The following GPR158 variants were observed in gnomAD, a reference collection of about 807,000 sequenced individuals.
The protein encoded by GPR158 is metabotropic glycine receptor.
GPR158 carries 30 observed loss-of-function variants against 78.2 expected under a neutral mutation model. The ratio of observed to expected loss-of-function variants is 0.38; its 90% CI spans 0.29 to 0.52. GPR158 has a LOEUF of 0.52. Among genes scored for constraint, GPR158 ranks in the 20% least tolerant of loss-of-function variants. The pLI is 0.83. For missense variants in GPR158, 1,463 were observed against 1,523.5 expected (o/e 0.96, Z 0.66); for synonymous variants, 581 against 591.1 (o/e 0.98, Z 0.25).
At chr10:25,427,450 A>G (rs1834840455) in intron 4 of GPR158, among the ~76,000 whole-genome samples, 1 of 152,072 alleles carries the variant, frequency 6.6e-6, no homozygotes, top group Admixed American at 6.6e-5. Context: ...TGTTTTTTTC[A>G]GGAACTGGTC....
intron 2 of GPR158, among the ~76,000 whole-genome samples, chr10:25,367,768 C>T (rs1011888017): frequency 2.0e-5 from 3 of 151,730 alleles, no homozygotes; most frequent in Non-Finnish European, 4.4e-5. Context: ...ATTTTCATTT[C>T]TTCAGATGTC....
intron 2 of GPR158, among the ~76,000 whole-genome samples, chr10:25,345,830 C>T (rs972636376): frequency 1.1e-4 from 16 of 151,740 alleles, no homozygotes; most frequent in Admixed American, 5.3e-4. Context: ...CCAGAAAGCC[C>T]CCAGACGAGG....
At chr10:25,591,576 A>G (rs531926944) in intron 8 of GPR158, among the ~76,000 whole-genome samples, 4 of 152,114 alleles carry the variant, frequency 2.6e-5, no homozygotes, top group African/African-American at 7.2e-5. Flanking sequence ...TGCAAGATCA[A>G]TTTTCTTCCA....
intron 5 of GPR158, among the ~76,000 whole-genome samples, chr10:25,501,287 C>T (rs539785053): frequency 6.6e-6 from 1 of 152,314 alleles, no homozygotes; most frequent in South Asian, 2.1e-4. Flanking sequence ...CGTCCTTCTA[C>T]TCGCTCATCC....
rs551763191 is a variant in GPR158, at chr10:25,591,082, A to G, written c.1892+1937A>G. The stretch of plus-strand genomic sequence containing the variant: ...AAAGAAAAAAGTAAATAAACTCCCC[A>G]ATCATGCTACCCAAAGATAAGCACT... On this transcript the variant is annotated intron_variant, in intron 8 of 10. Coordinates refer to ENST00000376351, the MANE Select transcript of GPR158 (RefSeq NM_020752.3). Among the ~76,000 whole-genome samples the G allele has an allele frequency of 9.4e-4, 143 of 152,214 alleles. 2 individuals carry two copies. Among genetic ancestry groups the G allele is most frequent in the African/African-American group, 3.3e-3 (137 of 41,546 alleles).
At chr10:25,344,669 A>G (rs1478941645) in intron 2 of GPR158, among the ~76,000 whole-genome samples, 1 of 152,008 alleles carries the variant, frequency 6.6e-6, no homozygotes, top group Non-Finnish European at 1.5e-5. Flanking sequence ...ATTCATAGTT[A>G]TTATATTCAA....
At chr10:25,302,438 C>G (rs2130449996) in intron 2 of GPR158, among the ~76,000 whole-genome samples, 1 of 152,186 alleles carries the variant, frequency 6.6e-6, no homozygotes, top group African/African-American at 2.4e-5. Context: ...AAGATGTTTC[C>G]TAAGCCTTTC....
intron 9 of GPR158, among the ~76,000 whole-genome samples, chr10:25,596,334 T>A (rs1426184404): frequency 1.3e-5 from 2 of 152,044 alleles, no homozygotes; most frequent in East Asian, 1.9e-4. Flanking sequence ...AAGAGTAAAG[T>A]AAAGATTCCG....
At chr10:25,188,717 G>T (rs184830222) in intron 1 of GPR158, among the ~76,000 whole-genome samples, 117 of 152,272 alleles carry the variant, frequency 7.7e-4, no homozygotes, top group African/African-American at 2.7e-3. Context: ...CAGGACATAG[G>T]CATGGGCAAG....
At chr10:25,525,961 C>T (rs1410945116) in intron 5 of GPR158, among the ~76,000 whole-genome samples, 2 of 151,718 alleles carry the variant, frequency 1.3e-5, no homozygotes, top group Non-Finnish European at 2.9e-5. Context: ...CAAAAATTAG[C>T]CAGATGTGGT....
chr10:25,457,620 A>G (rs967737071), intron 4 of GPR158, among the ~76,000 whole-genome samples: 1 of 152,216 alleles, frequency 6.6e-6, no homozygotes, highest in African/African-American at 2.4e-5. Context: ...AAAGCCATCC[A>G]TATGTTAGGA....
rs559973565 is a variant in GPR158, at chr10:25,175,330, C to G, written c.-91C>G. 18 of 778,338 alleles carry G rather than the reference C, an allele frequency of 2.3e-5. No homozygotes were observed. The South Asian group carries it at 2.9e-4, about 12-fold the overall frequency. The allele number at this position is 778,338 out of a possible 1,614,324, so 48.2% of individuals were successfully genotyped here. The stretch of plus-strand genomic sequence containing the variant: ...CATCTGGAGAAGGGGGAAGACTCCT[C>G]GAAAAAGTCTGACTGTTGAGAAACT... On this transcript the variant is annotated 5_prime_UTR_variant, in exon 1 of 11. Coordinates refer to ENST00000376351, the MANE Select transcript of GPR158 (RefSeq NM_020752.3). This position sits in a 1 kb window ranked among gnomAD's most constrained non-coding sequence, Gnocchi z 6.4.
At chr10:25,581,164 A>G (rs1837192823) in intron 7 of GPR158, among the ~76,000 whole-genome samples, 1 of 151,120 alleles carries the variant, frequency 6.6e-6, no homozygotes, top group Non-Finnish European at 1.5e-5. Flanking sequence ...TCCTGACCTC[A>G]TGATCCACCC....
At chr10:25,411,464 C>T (rs1834583325) in intron 3 of GPR158, among the ~76,000 whole-genome samples, 1 of 152,134 alleles carries the variant, frequency 6.6e-6, no homozygotes, top group Admixed American at 6.5e-5. Context: ...AAGGAGCAGT[C>T]AAAGTCTCAT....
intron 2 of GPR158, among the ~76,000 whole-genome samples, chr10:25,309,173 T>A (rs983287483): frequency 3.3e-5 from 5 of 152,014 alleles, no homozygotes; most frequent in African/African-American, 1.2e-4. Context: ...TTCTCACCAA[T>A]GGTGCATAAG....
At chr10:25,393,047 T>A (rs1314689614) in intron 2 of GPR158, among the ~76,000 whole-genome samples, 2 of 152,234 alleles carry the variant, frequency 1.3e-5, no homozygotes, top group Non-Finnish European at 2.9e-5. Context: ...AATTCATGTT[T>A]CTGTGTTTTA....
At chr10:25,565,513 T>C (rs924160684) in intron 6 of GPR158, among the ~76,000 whole-genome samples, 1 of 152,178 alleles carries the variant, frequency 6.6e-6, no homozygotes, top group African/African-American at 2.4e-5. Context: ...AGATTCCTGT[T>C]GTGCTTTTAA....
At chr10:25,512,014 G>A (rs1476883465) in intron 5 of GPR158, among the ~76,000 whole-genome samples, 7 of 151,900 alleles carry the variant, frequency 4.6e-5, no homozygotes, top group Admixed American at 6.6e-5. Flanking sequence ...TTGGTTATGC[G>A]GGCTCTTTTT....
chr10:25,272,243 G>T (rs1382765618), intron 2 of GPR158, among the ~76,000 whole-genome samples: 1 of 152,056 alleles, frequency 6.6e-6, no homozygotes, highest in East Asian at 1.9e-4. Context: ...CCAAGTTCTT[G>T]CTAAGCTTTT....
Sources: gnomAD v4.1 joint callset for allele counts (sites outside exome capture counted in the v4.1 genomes callset) on GRCh38, gnomAD v4.1.1 for gene constraint, Gnocchi (gnomAD v3.1) non-coding constraint, MANE v1.5 for transcripts, NCBI Gene and HGNC (gene_info 2026-07-23, HGNC 2026-07-21) for gene names.